Variants in FKTN observed in about 807,000 individuals in gnomAD.
FKTN encodes the protein ribitol-5-phosphate transferase FKTN.
Under a neutral mutation model 58.6 loss-of-function variants are expected in FKTN, and 47 were observed. The observed-to-expected ratio is 0.80, with a 90% CI of 0.63 to 1.02. FKTN has a LOEUF of 1.02. Among genes scored for constraint, FKTN ranks in the 50% least tolerant of loss-of-function variants. FKTN has a pLI of 0.00. For missense variants in FKTN, 516 were observed against 537.3 expected (o/e 0.96, Z 0.39); for synonymous variants, 178 against 191.9 (o/e 0.93, Z 0.60).
chr9:105,565,293 T>A (rs1007981558), intron 1 of FKTN, among the ~76,000 whole-genome samples: 1 of 152,134 alleles, frequency 6.6e-6, no homozygotes, highest in Non-Finnish European at 1.5e-5. Context: ...AATTCACACA[T>A]AACAATGTTA....
intron 10 of FKTN, 71 bp downstream of exon 10, chr9:105,620,132 T>C (rs1831583394): frequency 2.1e-6 from 3 of 1,406,774 alleles, no homozygotes; most frequent in Admixed American, 3.5e-5. Context: ...AATAAAGAAG[T>C]AACTGAAAAG....
At position 105,632,298 on chromosome 9, in the gene FKTN, C is replaced by T. The variant is rs1283874362; in HGVS notation, c.1173-2753C>T. On this transcript the variant is annotated intron_variant, in intron 10 of 10. Transcript: ENST00000357998. ...TGGTGGGAGGCGGGAGGGATAGCATCGGGAGATATACCTAATGCTAGATGA... is the reference window on the plus strand; with the variant it reads ...TGGTGGGAGGCGGGAGGGATAGCATTGGGAGATATACCTAATGCTAGATGA... Among the ~76,000 whole-genome samples, 84 of 151,864 alleles carry T rather than the reference C, an allele frequency of 5.5e-4. 1 individual carries two copies. Among genetic ancestry groups the T allele is most frequent in the African/African-American group, 1.8e-3 (75 of 41,440 alleles).
chr9:105,635,510 T>G lies in FKTN; in HGVS notation c.*246T>G. 1 of 1,368,878 alleles carries G rather than the reference T, an allele frequency of 7.3e-7. No individual in the cohort carries two copies. The highest frequency in any genetic ancestry group is 9.4e-7 in the Non-Finnish European group (1 of 1,061,010). 84.8% of individuals were successfully genotyped at this position (1,368,878 alleles called of 1,614,324 possible). On this transcript the variant is annotated 3_prime_UTR_variant, in exon 11 of 11. Coordinates refer to ENST00000357998, the MANE Select transcript of FKTN (RefSeq NM_001079802.2). ...ATGAGACAAATACCTACTTCTTTTA[T>G]TCCTCCTTTTGGTAAACAACTCAAT...
At chr9:105,632,042 GA>G (rs1833521402) in intron 10 of FKTN, among the ~76,000 whole-genome samples, 1 of 150,676 alleles carries the variant, frequency 6.6e-6, no homozygotes, top group Non-Finnish European at 1.5e-5. Flanking sequence ...TGATAGACTG[GA>G]TTAAGAAAAT....
chr9:105,587,303 G>A (rs1409050585), intron 3 of FKTN, among the ~76,000 whole-genome samples: 1 of 152,118 alleles, frequency 6.6e-6, no homozygotes, highest in African/African-American at 2.4e-5. Flanking sequence ...TTGGTTAGAA[G>A]GAGGGAGGAG....
chr9:105,581,376 C>T (rs910304522), intron 3 of FKTN, among the ~76,000 whole-genome samples: 5 of 148,102 alleles, frequency 3.4e-5, no homozygotes, highest in Non-Finnish European at 7.4e-5. Context: ...TGTTAGTTTT[C>T]CTTCTAACAG....
At chr9:105,626,231 T>G (rs1020601298) in intron 10 of FKTN, among the ~76,000 whole-genome samples, 1 of 152,210 alleles carries the variant, frequency 6.6e-6, no homozygotes, top group Non-Finnish European at 1.5e-5. Context: ...GGTACATGCT[T>G]ATCTTAGTTT....
intron 3 of FKTN, 150 bp from the exon 4 acceptor site, chr9:105,596,448 C>A: frequency 1.6e-6 from 1 of 626,084 alleles, no homozygotes; most frequent in Non-Finnish European, 2.9e-6. Context: ...ATGTAGAATT[C>A]TTAGCTCATG....
chr9:105,562,031 TAC>T (rs1838390361), intron 1 of FKTN, among the ~76,000 whole-genome samples: 1 of 152,180 alleles, frequency 6.6e-6, no homozygotes, highest in Non-Finnish European at 1.5e-5. Context: ...TTTTCCTAAT[TAC>T]ACTACTCTCT....
At chr9:105,594,334 T>C (rs1319453487) in intron 3 of FKTN, among the ~76,000 whole-genome samples, 1 of 152,132 alleles carries the variant, frequency 6.6e-6, no homozygotes, top group African/African-American at 2.4e-5. Flanking sequence ...AGTTGAAAGA[T>C]AGGATAGGGA....
chr9:105,620,385 G>A (rs1831653856), intron 10 of FKTN, among the ~76,000 whole-genome samples: 1 of 152,146 alleles, frequency 6.6e-6, no homozygotes, highest in African/African-American at 2.4e-5. Context: ...GGAAACCTTA[G>A]CTCCACCCTA....
chr9:105,611,094 A>T (rs1199855496), intron 7 of FKTN, among the ~76,000 whole-genome samples: 2 of 152,126 alleles, frequency 1.3e-5, no homozygotes, highest in Non-Finnish European at 2.9e-5. Flanking sequence ...ATTTGCTCTA[A>T]GATTTTGGGC....
At chr9:105,621,316 C>G (rs1831903188) in intron 10 of FKTN, among the ~76,000 whole-genome samples, 1 of 152,052 alleles carries the variant, frequency 6.6e-6, no homozygotes, top group Non-Finnish European at 1.5e-5. Context: ...TTCCCCCAGC[C>G]ATATGCCATT....
intron 3 of FKTN, among the ~76,000 whole-genome samples, chr9:105,578,631 C>CT (rs1002085460): frequency 1.3e-5 from 2 of 151,986 alleles, no homozygotes; most frequent in Non-Finnish European, 2.9e-5. Flanking sequence ...CTAAAATTCT[C>CT]TTTTTTTGTT....
chr9:105,561,926 T>TC (rs1838368314), intron 1 of FKTN, among the ~76,000 whole-genome samples: 1 of 132,396 alleles, frequency 7.6e-6, no homozygotes, highest in Non-Finnish European at 1.6e-5. Flanking sequence ...AAAATGTCGA[T>TC]TTTTTTTTTT....
intron 3 of FKTN, among the ~76,000 whole-genome samples, chr9:105,580,150 A>C (rs999169174): frequency 9.1e-4 from 138 of 152,014 alleles, no homozygotes; most frequent in Non-Finnish European, 7.6e-4. Context: ...TTAATTGGAG[A>C]ATTTAGTCCA....
chr9:105,604,255 GC>G lies in FKTN; in HGVS notation c.412del (p.Leu138Ter). ...FRIAENMGFQ[C>X]LKIESKDPRL... is the part of the protein sequence containing the mutation. ...ATAGCTGAGAATATGGGATTTCAGT[GC>G]CTAAAGATTGAGAGTAAAGATCCCC... On this transcript the variant is annotated frameshift_variant, in exon 6 of 11. Transcript: ENST00000357998. LOFTEE classifies it high-confidence loss of function. The G allele has an allele frequency of 6.2e-7, 1 of 1,612,838 alleles. No homozygotes were observed. Among genetic ancestry groups the G allele is most frequent in the Non-Finnish European group, 8.5e-7 (1 of 1,179,966 alleles).
chr9:105,576,525 C>T (rs1841743423), intron 3 of FKTN, among the ~76,000 whole-genome samples: 1 of 147,170 alleles, frequency 6.8e-6, no homozygotes, highest in African/African-American at 2.6e-5. Context: ...GCATAGTATT[C>T]CATGGTGTAT....
Position 105,635,786 on chromosome 9 carries a change from T to A in FKTN, c.*522T>A. The A allele has an allele frequency of 1.0e-6, 1 of 1,002,332 alleles. No individual in the cohort carries two copies. Among genetic ancestry groups the A allele is most frequent in the Non-Finnish European group, 1.2e-6 (1 of 838,956 alleles). 62.1% of individuals were successfully genotyped at this position (1,002,332 alleles called of 1,614,324 possible). A position where few individuals can be genotyped will look rare whatever the true frequency, so the allele number is the denominator to read the frequency against. On this transcript the variant is annotated 3_prime_UTR_variant, in exon 11 of 11. Coordinates refer to ENST00000357998, the MANE Select transcript of FKTN (RefSeq NM_001079802.2). Reference sequence around the variant, plus strand: ...TTTGAGTGACATCAAGAAAAGATGATATCAGGTTCATTTTTCAACTAATCT... The same window carrying A: ...TTTGAGTGACATCAAGAAAAGATGAAATCAGGTTCATTTTTCAACTAATCT...
Sources: allele counts gnomAD v4.1 joint callset (sites outside exome capture counted in the v4.1 genomes callset), GRCh38; gene constraint gnomAD v4.1.1; transcripts MANE v1.5; gene names NCBI Gene and HGNC (gene_info 2026-07-23, HGNC 2026-07-21).